Variants in GCSH observed in about 807,000 individuals in gnomAD.
The protein encoded by GCSH is glycine cleavage system protein H, also known as glycine cleavage system H protein, mitochondrial.
In GCSH, 15 loss-of-function variants were observed where a neutral mutation model predicts 21.3. That is an observed-to-expected ratio of 0.70 (90% confidence interval 0.47 to 1.08). GCSH has a LOEUF of 1.08. Ranked by LOEUF, GCSH falls within the 50% of genes least tolerant of loss-of-function variation. GCSH has a pLI of 0.00. For synonymous variants in GCSH, 59 were observed against 84.5 expected (o/e 0.70, Z 1.66); for missense variants, 179 against 217.5 (o/e 0.82, Z 1.11).
At chr16:81,090,558 T>C (rs1298253405) in intron 2 of GCSH, 43 bp downstream of exon 2, 19 of 1,293,768 alleles carry the variant, frequency 1.5e-5, no homozygotes, top group Non-Finnish European at 2.1e-5. Context: ...AAGCAAATCA[T>C]GCAAGAGCAC....
intron 1 of GCSH, 97 bp from the exon 2 acceptor site, chr16:81,090,777 C>G: frequency 1.7e-5 from 14 of 832,454 alleles, no homozygotes; most frequent in Non-Finnish European, 2.9e-5. Flanking sequence ...CCCAGAATTT[C>G]TGTTTGACCT....
At chr16:81,095,933 G>A (rs1320953260) in intron 1 of GCSH, among the ~76,000 whole-genome samples, 198 bp downstream of exon 1, 1 of 152,190 alleles carries the variant, frequency 6.6e-6, no homozygotes, top group African/African-American at 2.4e-5. Flanking sequence ...GGCTACTCGC[G>A]GGTCCTCCCG....
At chr16:81,084,682 T>G in intron 3 of GCSH, 88 bp from the exon 4 acceptor site, 3 of 934,778 alleles carry the variant, frequency 3.2e-6, no homozygotes, top group Non-Finnish European at 5.0e-6. Flanking sequence ...ATTCCTGTCA[T>G]ACAGCTATGA....
intron 2 of GCSH, among the ~76,000 whole-genome samples, chr16:81,089,859 C>T (rs1972363112): frequency 6.6e-6 from 1 of 152,116 alleles, no homozygotes; most frequent in Admixed American, 6.6e-5. Flanking sequence ...TCTTTCTTCC[C>T]GTCCTCCTGG....
intron 1 of GCSH, among the ~76,000 whole-genome samples, chr16:81,092,520 C>G (rs1176703014): frequency 6.6e-6 from 1 of 151,418 alleles, no homozygotes; most frequent in African/African-American, 2.4e-5. Flanking sequence ...GCGGGTGGAT[C>G]ACCTGAGGTC....
intron 1 of GCSH, among the ~76,000 whole-genome samples, chr16:81,092,222 A>C (rs1972411847): frequency 6.6e-6 from 1 of 152,118 alleles, no homozygotes; most frequent in Non-Finnish European, 1.5e-5. Flanking sequence ...TAGGCCAGCC[A>C]ACATGCTCTT....
chr16:81,094,716 A>G (rs1264526118), intron 1 of GCSH, among the ~76,000 whole-genome samples: 1 of 145,616 alleles, frequency 6.9e-6, no homozygotes, highest in East Asian at 1.9e-4. Context: ...ACAGGTTTCT[A>G]AAACAATGAG....
At chr16:81,092,044 C>G (rs749865960) in intron 1 of GCSH, among the ~76,000 whole-genome samples, 93 of 152,112 alleles carry the variant, frequency 6.1e-4, no homozygotes, top group Non-Finnish European at 1.2e-3. Flanking sequence ...CATTCCACTT[C>G]AAAGAACTGA....
intron 1 of GCSH, chr16:81,091,296 C>T (rs8177870): frequency 0.016 from 5,672 of 347,270 alleles, 207 homozygotes; most frequent in African/African-American, 0.099. Flanking sequence ...TTGAAGATAG[C>T]ACTACCATCG....
chr16:81,084,267 C>T, intron 4 of GCSH, 196 bp downstream of exon 4: 2 of 641,378 alleles, frequency 3.1e-6, no homozygotes, highest in Non-Finnish European at 5.6e-6. Context: ...GCGCGAGCCA[C>T]TGCGCCTAGC....
intron 1 of GCSH, among the ~76,000 whole-genome samples, chr16:81,095,076 G>C (rs866000403): frequency 1.3e-5 from 2 of 149,038 alleles, no homozygotes; most frequent in Admixed American, 6.8e-5. Flanking sequence ...CTGGGCGACA[G>C]AGCGAGGCTC....
chr16:81,090,520 C>G, intron 2 of GCSH, 81 bp downstream of exon 2: 1 of 981,730 alleles, frequency 1.0e-6, no homozygotes, highest in African/African-American at 1.6e-5. Context: ...CCTCACGCAG[C>G]CTAAACACTT....
At chr16:81,087,558 A>T in intron 3 of GCSH, 43 bp downstream of exon 3, 1 of 1,375,276 alleles carries the variant, frequency 7.3e-7, no homozygotes, top group Non-Finnish European at 1.0e-6. Context: ...AATGTAAACA[A>T]AATTCATGGC....
chr16:81,084,871 A>G (rs1972240472), intron 3 of GCSH, among the ~76,000 whole-genome samples: 1 of 149,428 alleles, frequency 6.7e-6, no homozygotes, highest in African/African-American at 2.5e-5. Context: ...ACCTGCCACC[A>G]CGCCCGTCTA....
rs1384024499 is a variant in GCSH at position 81,096,323 on chromosome 16, G to C, written c.-45C>G. 31 of 1,336,524 alleles carry C rather than the reference G, an allele frequency of 2.3e-5. No homozygotes were observed. The highest frequency in any genetic ancestry group is 3.0e-5 in the Non-Finnish European group (31 of 1,046,618). The allele number at this position is 1,336,524 out of a possible 1,614,324, so 82.8% of individuals were successfully genotyped here. A position where few individuals can be genotyped will look rare whatever the true frequency, so the allele number is the denominator to read the frequency against. On this transcript the variant is annotated 5_prime_UTR_variant, in exon 1 of 5. Transcript: ENST00000315467. ...TCGCAGCGCTACGCCTCGGCCACCC[G>C]CGCCGGGAGGCGGGGCGGGGAGGGG...
chr16:81,093,912 C>A (rs1214568032), intron 1 of GCSH, among the ~76,000 whole-genome samples: 1 of 151,890 alleles, frequency 6.6e-6, no homozygotes, highest in African/African-American at 2.4e-5. Flanking sequence ...TAATTACTTT[C>A]TTTTTTTGAG....
Position 81,084,466 on chromosome 16 carries a change from C to T in GCSH, c.421G>A (p.Asp141Asn). The T allele has an allele frequency of 6.2e-7, 1 of 1,608,942 alleles. No homozygotes were observed. The change falls in exon 4 of 5, where the codon GAT (aspartate) becomes AAT (asparagine). Residue 141 changes from aspartate (D) to asparagine (N), a missense_variant. By Grantham distance (23) the Asp-to-Asn change is conservative (BLOSUM62 1). Transcript: ENST00000315467. ...GAAATTTCTAGCAACAGCTTACCAT[C>T]TTCATAACAAGATTTGTTTACAAGT... is the stretch of plus-strand genomic sequence containing the variant. ...PGLVNKSCYEDGWLIKMTLSN... is the reference protein window; with the variant it reads ...PGLVNKSCYENGWLIKMTLSN...
intron 3 of GCSH, among the ~76,000 whole-genome samples, chr16:81,084,832 C>T (rs1468239549): frequency 1.3e-5 from 2 of 151,780 alleles, no homozygotes; most frequent in Admixed American, 1.3e-4. Context: ...CTGCCTCAGC[C>T]TCCCGAGTAG....
Position 81,082,014 on chromosome 16 carries a change from T to C in GCSH, c.*852A>G. The C allele has an allele frequency of 2.2e-6, 1 of 451,424 alleles. No individual in the cohort carries two copies. Among genetic ancestry groups the C allele is most frequent in the South Asian group, 1.6e-5 (1 of 64,362 alleles). The allele number at this position is 451,424 out of a possible 1,614,324, so 28.0% of individuals were successfully genotyped here. A position where few individuals can be genotyped will look rare whatever the true frequency, so the allele number is the denominator to read the frequency against. ...GACTTAAGTGGAAACCTGAACGTGG[T>C]TTAACAACTTAAAAACACCATGTGC... On this transcript the variant is annotated 3_prime_UTR_variant, in exon 5 of 5. Coordinates refer to ENST00000315467, the MANE Select transcript of GCSH (RefSeq NM_004483.5).
Sources: allele counts gnomAD v4.1 joint callset (sites outside exome capture counted in the v4.1 genomes callset), GRCh38; gene constraint gnomAD v4.1.1; transcripts MANE v1.5; gene names NCBI Gene and HGNC (gene_info 2026-07-23, HGNC 2026-07-21).